CUX2: variants seen among roughly 807,000 people sequenced by gnomAD.
The protein encoded by CUX2 is cut like homeobox 2, also known as homeobox protein cut-like 2.
Under a neutral mutation model 144.8 loss-of-function variants are expected in CUX2, and 40 were observed. That is an observed-to-expected ratio of 0.28 (90% CI 0.21 to 0.36). The LOEUF is 0.36. CUX2 is among the 10% of genes least tolerant of loss of function. CUX2 has a pLI of 1.00. For missense variants in CUX2, 1,615 were observed against 1,994.0 expected (o/e 0.81, Z 3.62); for synonymous variants, 827 against 875.6 (o/e 0.94, Z 0.98).
chr12:111,216,779 T>C (rs1881557102), intron 2 of CUX2, among the ~76,000 whole-genome samples: 1 of 145,128 alleles, frequency 6.9e-6, no homozygotes, highest in African/African-American at 2.6e-5. Flanking sequence ...CCAACATACA[T>C]CAGTCTATCA....
At chr12:111,211,926 GAT>G (rs1249027974) in intron 1 of CUX2, among the ~76,000 whole-genome samples, 1 of 151,400 alleles carries the variant, frequency 6.6e-6, no homozygotes, top group African/African-American at 2.4e-5. Flanking sequence ...AATAATCCAA[GAT>G]AGAGAGCTGT....
At chr12:111,251,671 C>T (rs185221005) in intron 3 of CUX2, among the ~76,000 whole-genome samples, 1 of 152,218 alleles carries the variant, frequency 6.6e-6, no homozygotes, top group East Asian at 1.9e-4. Context: ...TGCTCTGTGC[C>T]TTATTTTTAC....
At chr12:111,172,370 G>A (rs77644580) in intron 1 of CUX2, among the ~76,000 whole-genome samples, 1,680 of 152,284 alleles carry the variant, frequency 0.011, 27 homozygotes, top group African/African-American at 0.038. Context: ...CAGAACTATC[G>A]GGCCTTTTAA....
chr12:111,178,320 C>T lies in CUX2; in HGVS notation c.64-35880C>T, dbSNP rs1477694248. Among the ~76,000 whole-genome samples the T allele has an allele frequency of 1.3e-5, 2 of 152,236 alleles. 1 individual carries two copies. Among genetic ancestry groups the T allele is most frequent in the East Asian group, 3.8e-4 (2 of 5,204 alleles). Reference sequence around the variant, plus strand: ...GTATGATAAATCTAATATACTGTGGCCTCTCTGTATGAGAGACCCTAGTAC... The same window carrying T: ...GTATGATAAATCTAATATACTGTGGTCTCTCTGTATGAGAGACCCTAGTAC... On this transcript the variant is annotated intron_variant, in intron 1 of 21. Coordinates refer to ENST00000261726, the MANE Select transcript of CUX2 (RefSeq NM_015267.4). This position sits in a 1 kb window ranked among gnomAD's most constrained non-coding sequence, Gnocchi z 5.7.
At chr12:111,321,445 G>T (rs1887525876) in intron 17 of CUX2, among the ~76,000 whole-genome samples, 1 of 151,966 alleles carries the variant, frequency 6.6e-6, no homozygotes, top group African/African-American at 2.4e-5. Context: ...CTCCAGCCTG[G>T]GTGACAGAAC....
intron 3 of CUX2, among the ~76,000 whole-genome samples, chr12:111,238,967 C>T (rs897021766): frequency 3.9e-5 from 6 of 152,206 alleles, no homozygotes; most frequent in Admixed American, 3.9e-4. Context: ...ATCCCTTGAA[C>T]CTGGGAGGCA....
intron 1 of CUX2, among the ~76,000 whole-genome samples, chr12:111,164,593 A>T (rs1018124656): frequency 1.3e-5 from 2 of 152,032 alleles, no homozygotes; most frequent in African/African-American, 4.8e-5. Context: ...TAAAAAAGAA[A>T]AAAAAAGAGA....
intron 18 of CUX2, among the ~76,000 whole-genome samples, chr12:111,329,898 A>C (rs139273540): frequency 0.011 from 1,666 of 152,226 alleles, 27 homozygotes; most frequent in African/African-American, 0.038. Flanking sequence ...TGGCCTTCCA[A>C]AGTGCAGGGA....
At position 111,186,284 on chromosome 12, in the gene CUX2, T is replaced by C. The variant is rs566731191; in HGVS notation, c.64-27916T>C. On this transcript the variant is annotated intron_variant, in intron 1 of 21. Transcript: ENST00000261726. This position sits in a 1 kb window ranked among gnomAD's most constrained non-coding sequence, Gnocchi z 4.4. The stretch of plus-strand genomic sequence containing the variant: ...ACACTTATGGGGACCAGCTGTGTAC[T>C]GAGCCAGGTGCTGGGAATAGGAGGC... 2.6e-5 allele frequency among the ~76,000 whole-genome samples: 4 copies of C among 152,156 alleles called. No individual in the cohort carries two copies. The highest frequency in any genetic ancestry group is 5.9e-5 in the Non-Finnish European group (4 of 68,030).
At chr12:111,083,289 G>T (rs190728601) in intron 1 of CUX2, among the ~76,000 whole-genome samples, 19 of 152,286 alleles carry the variant, frequency 1.2e-4, no homozygotes, top group African/African-American at 4.6e-4. Context: ...GGGAAAGAGG[G>T]CATGGGTGTG....
intron 3 of CUX2, among the ~76,000 whole-genome samples, chr12:111,222,157 A>G (rs1348768636): frequency 6.6e-6 from 1 of 152,268 alleles, no homozygotes; most frequent in Non-Finnish European, 1.5e-5. Flanking sequence ...GTTACATATC[A>G]TTAACCCTCC....
At chr12:111,197,694 C>T (rs576811910) in intron 1 of CUX2, among the ~76,000 whole-genome samples, 11 of 152,266 alleles carry the variant, frequency 7.2e-5, no homozygotes, top group East Asian at 5.8e-4. Flanking sequence ...CCAGCTGGAG[C>T]GTGGCTGTGG....
chr12:111,268,808 C>T (rs558378470), intron 4 of CUX2, among the ~76,000 whole-genome samples: 15 of 152,340 alleles, frequency 9.8e-5, no homozygotes, highest in African/African-American at 3.4e-4. Flanking sequence ...ATTTCCCACC[C>T]TTTTCGATCC....
At chr12:111,120,716 C>A (rs1174784148) in intron 1 of CUX2, among the ~76,000 whole-genome samples, 2 of 150,090 alleles carry the variant, frequency 1.3e-5, no homozygotes, top group Non-Finnish European at 1.5e-5. Flanking sequence ...GTAATTTAAA[C>A]CCCTTCAAAG....
intron 1 of CUX2, among the ~76,000 whole-genome samples, chr12:111,058,914 G>A (rs112097595): frequency 0.028 from 4,210 of 152,166 alleles, 208 homozygotes; most frequent in African/African-American, 0.097. Context: ...CTGTGACAAG[G>A]GTTTGTGATA....
At chr12:111,290,946 T>G (rs1479077849) in intron 4 of CUX2, among the ~76,000 whole-genome samples, 2 of 151,606 alleles carry the variant, frequency 1.3e-5, no homozygotes, top group African/African-American at 4.9e-5. Flanking sequence ...CACTGCAATC[T>G]CCACCTCCTG....
intron 4 of CUX2, among the ~76,000 whole-genome samples, chr12:111,279,442 T>G (rs559377035): frequency 1.4e-4 from 22 of 152,188 alleles, no homozygotes; most frequent in Non-Finnish European, 2.8e-4. Context: ...TGTGGCCTCA[T>G]TTGGAAAAAG....
chr12:111,238,215 G>T (rs993067945), intron 3 of CUX2, among the ~76,000 whole-genome samples: 1 of 152,198 alleles, frequency 6.6e-6, no homozygotes, highest in Admixed American at 6.5e-5. Flanking sequence ...TTATATGTTT[G>T]TTTGCCTAAT....
At chr12:111,184,868 C>T (rs1193267362) in intron 1 of CUX2, among the ~76,000 whole-genome samples, 1 of 152,152 alleles carries the variant, frequency 6.6e-6, no homozygotes, top group South Asian at 2.1e-4. Flanking sequence ...TCGAGATCAT[C>T]CCGGCTAACA....
Sources: allele counts gnomAD v4.1 joint callset (sites outside exome capture counted in the v4.1 genomes callset), GRCh38; gene constraint gnomAD v4.1.1; non-coding constraint Gnocchi (gnomAD v3.1); transcripts MANE v1.5; gene names NCBI Gene and HGNC (gene_info 2026-07-23, HGNC 2026-07-21).